MAGI2: variants seen among roughly 807,000 people sequenced by gnomAD.
MAGI2 encodes membrane-associated guanylate kinase, WW and PDZ domain-containing protein 2.
A neutral mutation model predicts 133.3 loss-of-function variants in MAGI2; 35 were observed. That is an observed-to-expected ratio of 0.26 (90% confidence interval 0.20 to 0.35). The LOEUF (loss-of-function observed/expected upper bound fraction) is 0.35. Among genes scored for constraint, MAGI2 ranks in the 10% least tolerant of loss-of-function variants. The pLI is 1.00. For missense variants in MAGI2, 1,636 were observed against 1,863.4 expected (o/e 0.88, Z 2.25); for synonymous variants, 729 against 710.6 (o/e 1.03, Z -0.41).
intron 9 of MAGI2, among the ~76,000 whole-genome samples, chr7:78,322,013 C>T (rs931290374): frequency 1.3e-5 from 2 of 152,124 alleles, no homozygotes; most frequent in South Asian, 2.1e-4. Flanking sequence ...TGAAAAAAAG[C>T]TCATGATTAC....
At chr7:79,181,169 T>G (rs574938701) in intron 1 of MAGI2, among the ~76,000 whole-genome samples, 3 of 152,052 alleles carry the variant, frequency 2.0e-5, no homozygotes, top group South Asian at 2.1e-4. Context: ...ACAACTCCAC[T>G]AGGCAGTGCC....
intron 2 of MAGI2, among the ~76,000 whole-genome samples, chr7:78,875,907 A>G (rs1412707342): frequency 6.6e-6 from 1 of 152,232 alleles, no homozygotes; most frequent in Admixed American, 6.5e-5. Context: ...AAAAGTCATT[A>G]GAATCATTCT....
intron 18 of MAGI2, among the ~76,000 whole-genome samples, chr7:78,128,557 A>G (rs1224629818): frequency 6.6e-6 from 1 of 152,180 alleles, no homozygotes; most frequent in African/African-American, 2.4e-5. Flanking sequence ...TCTTACCTTT[A>G]AAAGAGTCTG....
At chr7:79,226,013 C>T (rs527350939) in intron 1 of MAGI2, among the ~76,000 whole-genome samples, 1 of 152,264 alleles carries the variant, frequency 6.6e-6, no homozygotes, top group African/African-American at 2.4e-5. Context: ...TTTATTCTAG[C>T]AGGGAGGTTA....
At chr7:79,273,113 G>A (rs940271358) in intron 1 of MAGI2, among the ~76,000 whole-genome samples, 7 of 152,044 alleles carry the variant, frequency 4.6e-5, no homozygotes, top group African/African-American at 1.7e-4. Flanking sequence ...GCTGAATTTA[G>A]TTAAACGTAT....
Position 78,343,934 on chromosome 7 carries a change from A to C in MAGI2, c.1252T>G (p.Ser418Ala). ...REKPLFTRDA[S>A]QLKGTFLSTT... ...CTGAGGAATGTTCCCTTCAACTGGGATGCATCCCGGGTGAAGAGTGGTTTT... is the reference window on the plus strand; with the variant it reads ...CTGAGGAATGTTCCCTTCAACTGGGCTGCATCCCGGGTGAAGAGTGGTTTT... Residue 418 changes from serine (S) to alanine (A), a missense_variant, in exon 9 of 22, where the codon TCC becomes GCC. Ser to Ala is a moderately conservative substitution (Grantham distance 99). Transcript: ENST00000354212. 1 of 1,610,590 alleles carries C rather than the reference A, an allele frequency of 6.2e-7. No homozygotes were observed. The highest frequency in any genetic ancestry group is 8.5e-7 in the Non-Finnish European group (1 of 1,179,052).
At chr7:79,450,011 G>A (rs978890581) in intron 1 of MAGI2, among the ~76,000 whole-genome samples, 1 of 150,932 alleles carries the variant, frequency 6.6e-6, no homozygotes, top group Non-Finnish European at 1.5e-5. Flanking sequence ...ATAAAATTAA[G>A]TAAATAATGC....
Position 78,345,697 on chromosome 7 carries a change from T to G in MAGI2, c.1225+225A>C, listed in dbSNP as rs547245959. 4.3e-5 allele frequency: 23 copies of G among 535,352 alleles called. No individual in the cohort carries two copies. The East Asian group carries it at 5.5e-4, about 13-fold the overall frequency. The allele number at this position is 535,352 out of a possible 1,614,324, so 33.2% of individuals were successfully genotyped here. On this transcript the variant is annotated intron_variant, in intron 8 of 21. Transcript: ENST00000354212. The stretch of plus-strand genomic sequence containing the variant: ...ATCCATTAATCTCCACGTGGTGACA[T>G]GCTGTACATTCCTATAAAGTACTGC...
chr7:79,439,142 C>T (rs761295182), intron 1 of MAGI2, among the ~76,000 whole-genome samples: 11 of 152,072 alleles, frequency 7.2e-5, no homozygotes, highest in Non-Finnish European at 1.6e-4. Context: ...GGGTCACACT[C>T]TTCTCTCTGC....
intron 2 of MAGI2, among the ~76,000 whole-genome samples, chr7:78,664,630 T>TA (rs1380444204): frequency 6.6e-6 from 1 of 151,974 alleles, no homozygotes; most frequent in Non-Finnish European, 1.5e-5. Context: ...TTTATCATTT[T>TA]AAAAAACAAA....
chr7:79,437,171 CAA>C (rs1848201024), intron 1 of MAGI2, among the ~76,000 whole-genome samples: 4 of 151,898 alleles, frequency 2.6e-5, no homozygotes, highest in African/African-American at 9.7e-5. Context: ...AACATGGAAA[CAA>C]TAGACACTGG....
At chr7:78,295,784 C>T (rs1409393450) in intron 9 of MAGI2, among the ~76,000 whole-genome samples, 1 of 152,124 alleles carries the variant, frequency 6.6e-6, no homozygotes, top group African/African-American at 2.4e-5. Context: ...CTGTAAACTT[C>T]AGGCTCAACT....
rs574442038 is a variant in MAGI2 at position 79,196,195 on chromosome 7, T to C, written c.302-188989A>G. Among the ~76,000 whole-genome samples the C allele has an allele frequency of 2.0e-4, 30 of 151,586 alleles. 1 individual carries two copies. Among genetic ancestry groups the C allele is most frequent in the African/African-American group, 5.6e-4 (23 of 40,908 alleles). On this transcript the variant is annotated intron_variant, in intron 1 of 21. Coordinates refer to ENST00000354212, the MANE Select transcript of MAGI2 (RefSeq NM_012301.4). ...CTTTAAAATAACATGTTGTACATGG[T>C]AAATCCATAATTTCATGTCAATTTA...
At chr7:78,160,765 A>C (rs1269233561) in intron 15 of MAGI2, among the ~76,000 whole-genome samples, 4 of 152,242 alleles carry the variant, frequency 2.6e-5, no homozygotes, top group Admixed American at 6.5e-5. Flanking sequence ...TCAAGTTTCA[A>C]GGCTACACTT....
intron 9 of MAGI2, among the ~76,000 whole-genome samples, chr7:78,279,411 T>A (rs1795341432): frequency 6.6e-6 from 1 of 150,620 alleles, no homozygotes; most frequent in Non-Finnish European, 1.5e-5. Context: ...GTGTGTGTAT[T>A]CATATTTAAA....
intron 9 of MAGI2, among the ~76,000 whole-genome samples, chr7:78,284,312 C>T (rs570362481): frequency 6.4e-4 from 98 of 152,128 alleles, no homozygotes; most frequent in African/African-American, 2.0e-3. Flanking sequence ...GAGAACTATG[C>T]AGTTTAATTA....
chr7:78,302,693 C>G (rs1016958668), intron 9 of MAGI2, among the ~76,000 whole-genome samples: 1 of 152,156 alleles, frequency 6.6e-6, no homozygotes, highest in Non-Finnish European at 1.5e-5. Flanking sequence ...ACATGAAAGG[C>G]AAAAGGCCCT....
rs537359866 is a variant in MAGI2 at position 78,830,367 on chromosome 7, C to T, written c.418+176723G>A. On this transcript the variant is annotated intron_variant, in intron 2 of 21. Coordinates refer to ENST00000354212, the MANE Select transcript of MAGI2 (RefSeq NM_012301.4). ...TACAACAAACAGCTTTTCCATTTTG[C>T]TTTGCTTCAGGAAGTGGTAATTGCC... is the stretch of plus-strand genomic sequence containing the variant. 2.0e-5 allele frequency among the ~76,000 whole-genome samples: 3 copies of T among 152,146 alleles called. No homozygotes were observed. In the South Asian group the frequency reaches 6.2e-4, roughly 32 times the overall value.
chr7:79,003,202 G>T (rs1807071280), intron 2 of MAGI2, among the ~76,000 whole-genome samples: 1 of 152,022 alleles, frequency 6.6e-6, no homozygotes, highest in South Asian at 2.1e-4. Context: ...GTAGCAGGTG[G>T]TGGGGGGGAG....
Sources: gnomAD v4.1 joint callset for allele counts (sites outside exome capture counted in the v4.1 genomes callset) on GRCh38, gnomAD v4.1.1 for gene constraint, MANE v1.5 for transcripts, NCBI Gene and HGNC (gene_info 2026-07-23, HGNC 2026-07-21) for gene names.